The following PPCDC variants were observed in gnomAD, a reference collection of about 807,000 sequenced individuals.
PPCDC encodes phosphopantothenoylcysteine decarboxylase.
In PPCDC, 20 loss-of-function variants were observed where a neutral mutation model predicts 20.7. That is an observed-to-expected ratio of 0.97 (90% CI 0.68 to 1.41). The LOEUF (loss-of-function observed/expected upper bound fraction) is 1.41. PPCDC is among the 40% of genes most tolerant of loss of function. The pLI, the probability that PPCDC is intolerant of heterozygous loss-of-function variation, is 0.00. For synonymous variants in PPCDC, 88 were observed against 100.3 expected, an observed-to-expected ratio of 0.88 and a Z score of 0.73; for missense variants, 246 against 263.8, an observed-to-expected ratio of 0.93 and a Z score of 0.47.
chr15:75,039,696 C>T (rs556932755), intron 2 of PPCDC, among the ~76,000 whole-genome samples: 3 of 152,150 alleles, frequency 2.0e-5, no homozygotes, highest in South Asian at 2.1e-4. Flanking sequence ...TGCTTCCTTT[C>T]GCTTCCATCT....
chr15:75,045,541 T>A (rs2066221228), intron 4 of PPCDC, among the ~76,000 whole-genome samples: 1 of 152,216 alleles, frequency 6.6e-6, no homozygotes, highest in Non-Finnish European at 1.5e-5. Context: ...AGGTGGATGA[T>A]GAAGCTGGGA....
At position 75,028,584 on chromosome 15, in the gene PPCDC, C is replaced by CTG. The variant is rs1397974362; in HGVS notation, c.135+140_135+141dup. On this transcript the variant is annotated intron_variant, in intron 2 of 5. Coordinates refer to ENST00000342932, the MANE Select transcript of PPCDC (RefSeq NM_021823.5). Reference sequence around the variant, plus strand: ...CATGTTAATCATGCTTGTGGAGGTCCTGTGTGTGTGGTGCTCTGTGGAGGA... The same window carrying CTG: ...CATGTTAATCATGCTTGTGGAGGTCCTGTGTGTGTGTGGTGCTCTGTGGAGGA... 9 of 1,322,986 alleles carry CTG rather than the reference C, an allele frequency of 6.8e-6. No individual in the cohort carries two copies. The African/African-American group carries it at 1.0e-4, about 15-fold the overall frequency. 82.0% of individuals were successfully genotyped at this position (1,322,986 alleles called of 1,614,324 possible). A position where few individuals can be genotyped will look rare whatever the true frequency, so the allele number is the denominator to read the frequency against.
At chr15:75,036,930 C>G (rs1047122175) in intron 2 of PPCDC, among the ~76,000 whole-genome samples, 39 of 152,238 alleles carry the variant, frequency 2.6e-4, no homozygotes, top group African/African-American at 8.4e-4. Context: ...CTCTGCCTCC[C>G]AAAGTGCTGG....
At chr15:75,041,061 G>C (rs184125137) in intron 2 of PPCDC, among the ~76,000 whole-genome samples, 1 of 149,744 alleles carries the variant, frequency 6.7e-6, no homozygotes, top group East Asian at 2.0e-4. Flanking sequence ...GGGTTTGAAA[G>C]GTAAAGGTTA....
At position 75,049,902 on chromosome 15, in the gene PPCDC, C is replaced by T. The variant is rs2066293210; in HGVS notation, c.*667C>T. The T allele has an allele frequency of 6.6e-6, 1 of 152,248 alleles. No homozygotes were observed. The highest frequency in any genetic ancestry group is 1.5e-5 in the Non-Finnish European group (1 of 68,088). 9.4% of individuals were successfully genotyped at this position (152,248 alleles called of 1,614,324 possible). On this transcript the variant is annotated 3_prime_UTR_variant, in exon 6 of 6. Coordinates refer to ENST00000342932, the MANE Select transcript of PPCDC (RefSeq NM_021823.5). ...ATAAAGATCTGAAGCCAGACAGCCC[C>T]TAGTTCCAATCCCAGCTCTGCCGCT...
chr15:75,032,733 C>CTA (rs530128059), intron 2 of PPCDC, among the ~76,000 whole-genome samples: 1 of 137,064 alleles, frequency 7.3e-6, no homozygotes. Flanking sequence ...GACCCCCCCC[C>CTA]CCAAGGCCAA....
chr15:75,028,148 TC>T, intron 1 of PPCDC, 98 bp from the exon 2 acceptor site: 1 of 837,094 alleles, frequency 1.2e-6, no homozygotes, highest in South Asian at 1.9e-5. Flanking sequence ...GCTGATCCCT[TC>T]CGCTGCCTCA....
intron 2 of PPCDC, among the ~76,000 whole-genome samples, chr15:75,040,741 C>T (rs1314852622): frequency 6.6e-6 from 1 of 152,164 alleles, no homozygotes; most frequent in Non-Finnish European, 1.5e-5. Flanking sequence ...CTCACTGCAG[C>T]CTCTGCCTTC....
At chr15:75,031,571 G>A (rs1015277345) in intron 2 of PPCDC, among the ~76,000 whole-genome samples, 1 of 152,142 alleles carries the variant, frequency 6.6e-6, no homozygotes, top group East Asian at 1.9e-4. Flanking sequence ...CCCGGTTGTG[G>A]TGGGCGCCTA....
intron 4 of PPCDC, chr15:75,044,727 C>A: frequency 1.7e-6 from 1 of 582,526 alleles, no homozygotes; most frequent in Non-Finnish European, 2.9e-6. Flanking sequence ...TGTGACCTGC[C>A]ACTGCTCCCC....
At chr15:75,035,963 CAA>C (rs11306068) in intron 2 of PPCDC, among the ~76,000 whole-genome samples, 21,631 of 105,282 alleles carry the variant, frequency 0.21, 2,077 homozygotes, top group South Asian at 0.47. Context: ...GACTGTGTCT[CAA>C]AAAAAAAAAA....
chr15:75,028,182 C>T (rs1449227270), intron 1 of PPCDC, 65 bp from the exon 2 acceptor site: 7 of 1,201,414 alleles, frequency 5.8e-6, no homozygotes, highest in South Asian at 3.2e-5. Context: ...GGGCCTAATA[C>T]GTGGTGCTCC....
intron 2 of PPCDC, 61 bp downstream of exon 2, chr15:75,028,514 G>T: frequency 6.2e-7 from 1 of 1,601,036 alleles, no homozygotes; most frequent in Admixed American, 1.7e-5. Flanking sequence ...TGCTCCCGGG[G>T]ATGGCCCATT....
intron 1 of PPCDC, among the ~76,000 whole-genome samples, chr15:75,024,830 C>T (rs191952131): frequency 1.3e-5 from 2 of 152,008 alleles, no homozygotes; most frequent in African/African-American, 2.4e-5. Context: ...CGTGCCACCA[C>T]GCCCTCCATA....
intron 2 of PPCDC, among the ~76,000 whole-genome samples, chr15:75,038,803 A>AT (rs1567056647): frequency 1.3e-5 from 2 of 151,784 alleles, no homozygotes; most frequent in Admixed American, 6.6e-5. Context: ...TAATCGTCAG[A>AT]TTTTTTAACC....
intron 3 of PPCDC, 29 bp downstream of exon 3, chr15:75,043,565 C>T: frequency 6.5e-7 from 1 of 1,546,120 alleles, no homozygotes; most frequent in Non-Finnish European, 8.9e-7. Context: ...GGGCTGAGTT[C>T]CATTGAGTTT....
Position 75,049,252 on chromosome 15 carries a change from T to C in PPCDC, c.*17T>C. ...CAGAGTTGACCTGGGATTTCTGTCA[T>C]GGGTGTCCCTCTGTACTCAGAATGG... On this transcript the variant is annotated 3_prime_UTR_variant, in exon 6 of 6. Transcript: ENST00000342932. 2 of 1,609,638 alleles carry C rather than the reference T, an allele frequency of 1.2e-6. No individual in the cohort carries two copies. Among genetic ancestry groups the C allele is most frequent in the Admixed American group, 3.3e-5 (2 of 60,008 alleles).
chr15:75,048,168 A>G (rs1472053375), intron 4 of PPCDC, among the ~76,000 whole-genome samples: 2 of 152,180 alleles, frequency 1.3e-5, no homozygotes, highest in African/African-American at 4.8e-5. Context: ...GCTGATGTCA[A>G]GTAGATGAGC....
chr15:75,035,277 G>T (rs1447213468), intron 2 of PPCDC, among the ~76,000 whole-genome samples: 2 of 152,186 alleles, frequency 1.3e-5, no homozygotes, highest in Non-Finnish European at 2.9e-5. Flanking sequence ...TAGGGATGGT[G>T]GTGCTACTGG....
Sources: gnomAD v4.1 joint callset for allele counts (sites outside exome capture counted in the v4.1 genomes callset) on GRCh38, gnomAD v4.1.1 for gene constraint, MANE v1.5 for transcripts, NCBI Gene and HGNC (gene_info 2026-07-23, HGNC 2026-07-21) for gene names.